Variants in FAR1 observed in about 807,000 individuals in gnomAD.
FAR1 encodes the protein fatty acyl-CoA reductase 1, also known as male sterility domain-containing protein 2.
FAR1 carries 22 observed loss-of-function variants against 61.1 expected under a neutral mutation model. That is an observed-to-expected ratio of 0.36 (90% CI 0.26 to 0.51). The LOEUF is 0.51. Ranked by LOEUF, FAR1 falls within the 20% of genes least tolerant of loss-of-function variation. FAR1 has a pLI of 0.95. For synonymous variants in FAR1, 206 were observed against 209.7 expected, an observed-to-expected ratio of 0.98 and a Z score of 0.15; for missense variants, 359 against 626.9, an observed-to-expected ratio of 0.57 and a Z score of 4.56.
chr11:13,727,414 T>G, intron 10 of FAR1, 142 bp from the exon 11 acceptor site: 1 of 586,608 alleles, frequency 1.7e-6, no homozygotes, highest in Non-Finnish European at 2.7e-6. Context: ...TGACTAGCGG[T>G]AAGATTTCAG....
rs66805308 is a variant in FAR1, at chr11:13,728,499, C to A, written c.1386-113C>A. 187,968 of 981,244 alleles carry A rather than the reference C, an allele frequency of 0.19. 18,850 individuals are homozygous for A. The highest frequency in any genetic ancestry group is 0.23 in the Admixed American group (10,029 of 44,532). 60.8% of individuals were successfully genotyped at this position (981,244 alleles called of 1,614,324 possible). ...TATACTTAATGCCTATCATAAGTTT[C>A]AAATTAATATGGATTTGAGCTTTGA... On this transcript the variant is annotated intron_variant, in intron 11 of 11. Transcript: ENST00000354817.
intron 2 of FAR1, among the ~76,000 whole-genome samples, chr11:13,700,053 T>C (rs371788213): frequency 1.3e-5 from 2 of 152,174 alleles, no homozygotes; most frequent in African/African-American, 4.8e-5. Context: ...AATTCAACTT[T>C]GTGAACTACC....
At chr11:13,714,715 TG>T (rs1848537353) in intron 9 of FAR1, 35 bp downstream of exon 9, 1 of 1,565,224 alleles carries the variant, frequency 6.4e-7, no homozygotes, top group Admixed American at 2.0e-5. Flanking sequence ...TCTGTTCCTC[TG>T]TTAAACAACC....
rs541607546 is a variant in FAR1, at chr11:13,673,109, A to G, written c.-8+4303A>G. 4.6e-5 allele frequency among the ~76,000 whole-genome samples: 7 copies of G among 152,324 alleles called. No individual in the cohort carries two copies. In the East Asian group the frequency reaches 1.4e-3, roughly 29 times the overall value. On this transcript the variant is annotated intron_variant, in intron 1 of 11. Transcript: ENST00000354817. ...AATTCACCATTGTTTTCGGTTCCCAATTTGAAGAGTGGAGACAGAAGTCAA... is the reference window on the plus strand; with the variant it reads ...AATTCACCATTGTTTTCGGTTCCCAGTTTGAAGAGTGGAGACAGAAGTCAA...
rs954685806 is a variant in FAR1, at chr11:13,701,524, A to G, written c.365+1032A>G. Among the ~76,000 whole-genome samples, 3 of 152,124 alleles carry G rather than the reference A, an allele frequency of 2.0e-5. 1 individual carries two copies. In the South Asian group the frequency reaches 6.2e-4, roughly 31 times the overall value. On this transcript the variant is annotated intron_variant, in intron 3 of 11. Coordinates refer to ENST00000354817, the MANE Select transcript of FAR1 (RefSeq NM_032228.6). ...CAACATAATGAGACCCTGTCTCTATAAGCAAAATATTTTAATTAAGAATTA... is the reference window on the plus strand; with the variant it reads ...CAACATAATGAGACCCTGTCTCTATGAGCAAAATATTTTAATTAAGAATTA...
intron 1 of FAR1, among the ~76,000 whole-genome samples, chr11:13,690,956 T>A (rs1469838983): frequency 1.3e-5 from 2 of 152,228 alleles, no homozygotes; most frequent in East Asian, 3.8e-4. Context: ...GATGGTTTTT[T>A]AAAAAATAAT....
Position 13,728,898 on chromosome 11 carries a change from A to T in FAR1, c.*124A>T. 1 of 836,316 alleles carries T rather than the reference A, an allele frequency of 1.2e-6. No homozygotes were observed. The highest frequency in any genetic ancestry group is 1.9e-6 in the Non-Finnish European group (1 of 539,646). 51.8% of individuals were successfully genotyped at this position (836,316 alleles called of 1,614,324 possible). On this transcript the variant is annotated 3_prime_UTR_variant, in exon 12 of 12. Coordinates refer to ENST00000354817, the MANE Select transcript of FAR1 (RefSeq NM_032228.6). ...ACCATCTTAGATCGGAGTGTGAAGT[A>T]AATTATGGTATATTTTATGTAACAT...
At chr11:13,707,381 T>C (rs1848444314) in intron 3 of FAR1, among the ~76,000 whole-genome samples, 1 of 152,202 alleles carries the variant, frequency 6.6e-6, no homozygotes, top group Non-Finnish European at 1.5e-5. Flanking sequence ...GATTGATTGC[T>C]ACAAAGAGGA....
chr11:13,714,906 C>G (rs16913029), intron 9 of FAR1, among the ~76,000 whole-genome samples: 2 of 152,138 alleles, frequency 1.3e-5, no homozygotes. Flanking sequence ...GTATTGAATT[C>G]TAAGTCTTAC....
chr11:13,681,278 G>A (rs956342634), intron 1 of FAR1, among the ~76,000 whole-genome samples: 2 of 152,160 alleles, frequency 1.3e-5, no homozygotes, highest in Non-Finnish European at 2.9e-5. Flanking sequence ...TCGTTGTACC[G>A]TAGTCCTGTG....
chr11:13,681,247 A>G (rs1226688275), intron 1 of FAR1, among the ~76,000 whole-genome samples: 1 of 152,204 alleles, frequency 6.6e-6, no homozygotes, highest in Non-Finnish European at 1.5e-5. Context: ...GTGGCTAAAA[A>G]AAACAGTAAG....
intron 7 of FAR1, 70 bp from the exon 8 acceptor site, chr11:13,712,896 T>A: frequency 8.4e-7 from 1 of 1,195,552 alleles, no homozygotes; most frequent in South Asian, 1.4e-5. Context: ...TCTTGAATAC[T>A]ATGTAGGACT....
chr11:13,716,207 CA>C (rs34333591), intron 9 of FAR1, among the ~76,000 whole-genome samples: 88 of 141,786 alleles, frequency 6.2e-4, no homozygotes, highest in East Asian at 2.5e-3. Flanking sequence ...AAAACTGGGT[CA>C]AAAAAAAAAC....
intron 10 of FAR1, 95 bp from the exon 11 acceptor site, chr11:13,727,461 C>A: frequency 9.3e-7 from 1 of 1,079,254 alleles, no homozygotes; most frequent in Non-Finnish European, 1.3e-6. Flanking sequence ...GTAATTATGT[C>A]ACTTGGAACT....
At chr11:13,704,897 C>G (rs1426921058) in intron 3 of FAR1, among the ~76,000 whole-genome samples, 4 of 152,004 alleles carry the variant, frequency 2.6e-5, no homozygotes, top group African/African-American at 9.7e-5. Context: ...ATGATGAGGT[C>G]CAGGAGTCTG....
rs889148658 is a variant in FAR1 at position 13,721,491 on chromosome 11, T to C, written c.1128-239T>C. The C allele has an allele frequency of 2.1e-5, 8 of 386,240 alleles. No individual in the cohort carries two copies. The highest frequency in any genetic ancestry group is 3.7e-5 in the Non-Finnish European group (8 of 216,412). 23.9% of individuals were successfully genotyped at this position (386,240 alleles called of 1,614,324 possible). A position where few individuals can be genotyped will look rare whatever the true frequency, so the allele number is the denominator to read the frequency against. ...TATCAGCAGAACTCTGTTTAGGTGG[T>C]ATTAAATGCATTTGCTGCTGCTTTC... On this transcript the variant is annotated intron_variant, in intron 9 of 11. Coordinates refer to ENST00000354817, the MANE Select transcript of FAR1 (RefSeq NM_032228.6). This position sits in a 1 kb window ranked among gnomAD's most constrained non-coding sequence, Gnocchi z 4.2.
chr11:13,692,979 G>A (rs1323486935), intron 1 of FAR1, among the ~76,000 whole-genome samples: 1 of 152,124 alleles, frequency 6.6e-6, no homozygotes, highest in African/African-American at 2.4e-5. Flanking sequence ...ATGGAATAGG[G>A]TGGTTGGTTT....
At chr11:13,704,246 C>A (rs1047235937) in intron 3 of FAR1, among the ~76,000 whole-genome samples, 1 of 151,824 alleles carries the variant, frequency 6.6e-6, no homozygotes, top group Non-Finnish European at 1.5e-5. Context: ...AGGACAAAAA[C>A]CAGGCTGAAG....
chr11:13,716,045 ATTTTCAGAC>A (rs557052295), intron 9 of FAR1, among the ~76,000 whole-genome samples: 3 of 152,156 alleles, frequency 2.0e-5, no homozygotes, highest in Non-Finnish European at 4.4e-5. Context: ...GTAAAGAAAT[ATTTTCAGAC>A]TTTTCTAGAA....
Sources: gnomAD v4.1 joint callset for allele counts (sites outside exome capture counted in the v4.1 genomes callset) on GRCh38, gnomAD v4.1.1 for gene constraint, Gnocchi (gnomAD v3.1) non-coding constraint, MANE v1.5 for transcripts, NCBI Gene and HGNC (gene_info 2026-07-23, HGNC 2026-07-21) for gene names.